Variants in C5orf24 observed in about 807,000 individuals in gnomAD.
C5orf24 encodes chromosome 5 open reading frame 24.
In C5orf24, 4 loss-of-function variants were observed where a neutral mutation model predicts 9.8. That is an observed-to-expected ratio of 0.41 (90% CI 0.20 to 0.93). The LOEUF is 0.93. Ranked by LOEUF, C5orf24 falls within the 40% of genes least tolerant of loss-of-function variation. The pLI, the probability that C5orf24 is intolerant of heterozygous loss-of-function variation, is 0.33. For synonymous variants in C5orf24, 73 were observed against 81.3 expected (o/e 0.90, Z 0.55); for missense variants, 170 against 236.9 (o/e 0.72, Z 1.85).
intron 1 of C5orf24, among the ~76,000 whole-genome samples, chr5:134,853,382 C>G (rs931422548): frequency 2.7e-5 from 4 of 145,974 alleles, no homozygotes; most frequent in Non-Finnish European, 6.1e-5. Context: ...AAAAAAAAAC[C>G]TGTCATTTCC....
rs763282657 is a variant in C5orf24, at chr5:134,855,461, T to A, written c.561T>A (p.Asn187Lys). The A allele has an allele frequency of 6.2e-7, 1 of 1,614,028 alleles. No homozygotes were observed. The highest frequency in any genetic ancestry group is 2.2e-5 in the East Asian group (1 of 44,878). Residue 187 changes from asparagine (N) to lysine (K), a missense_variant, in exon 2 of 2, where the codon AAT becomes AAA. By Grantham distance (94) the Asn-to-Lys change is moderately conservative (BLOSUM62 0). This residue lies in a region of C5orf24 where 56 missense variants were observed against 60.3 expected (regional missense o/e 0.93). Transcript: ENST00000394976. ...CTAGCAGTGAAGTCAAACCACCCAA[T>A]GAGTGAATGAGGCAGGAAAAGAGGG... ...EETSSEVKPP[N>K]E
chr5:134,851,770 A>G (rs1756166991), intron 1 of C5orf24, among the ~76,000 whole-genome samples: 1 of 152,200 alleles, frequency 6.6e-6, no homozygotes, highest in South Asian at 2.1e-4. Context: ...ATAGGCTTGT[A>G]CTGAGGATTA....
the C5orf24 span, among the ~76,000 whole-genome samples, chr5:134,836,576 C>A: frequency 2.0e-5 from 3 of 152,078 alleles, no homozygotes; most frequent in Non-Finnish European, 4.4e-5. Context: ...TGGAGTCTCA[C>A]TCTGTCATGC....
In C5orf24 at chr5:134,848,079, A is replaced by G. The variant is rs112724714; in HGVS notation, c.-4+1867A>G. On this transcript the variant is annotated intron_variant, in intron 1 of 1. Transcript: ENST00000394976. ...TGTAATCCCAGCACTTAGGGAGGCC[A>G]AGGCAGGCGGATCACGAGGTCAGGA... 4.7e-3 allele frequency among the ~76,000 whole-genome samples: 721 copies of G among 152,246 alleles called. 6 individuals are homozygous for G. Among genetic ancestry groups the G allele is most frequent in the African/African-American group, 0.016 (682 of 41,550 alleles).
chr5:134,857,219 T>TA lies in C5orf24; in HGVS notation c.*1756dup. 7.7e-7 allele frequency: 1 copy of TA among 1,305,026 alleles called. No individual in the cohort carries two copies. Among genetic ancestry groups the TA allele is most frequent in the African/African-American group, 1.5e-5 (1 of 66,594 alleles). 80.8% of individuals were successfully genotyped at this position (1,305,026 alleles called of 1,614,324 possible). ...TTGGGATTTTAAATGCCTTTGAGATTAAAATGTAGAATTGCAGGACCCAAA... is the reference window on the plus strand; with the variant it reads ...TTGGGATTTTAAATGCCTTTGAGATTAAAAATGTAGAATTGCAGGACCCAAA... On this transcript the variant is annotated 3_prime_UTR_variant, in exon 2 of 2. Transcript: ENST00000394976.
upstream of C5orf24, among the ~76,000 whole-genome samples, chr5:134,843,259 G>T (rs1755926070): frequency 6.6e-6 from 1 of 152,072 alleles, no homozygotes; most frequent in South Asian, 2.1e-4. Context: ...TTGCAGGCAT[G>T]ACCCACCGTG....
chr5:134,847,226 C>T (rs1439886474), intron 1 of C5orf24, among the ~76,000 whole-genome samples: 1 of 152,166 alleles, frequency 6.6e-6, no homozygotes, highest in Non-Finnish European at 1.5e-5. Context: ...CGAATTTAGT[C>T]ACAGTCCAAA....
rs1433779213 is a variant in C5orf24 at position 134,846,042 on chromosome 5, T to C, written c.-174T>C. On this transcript the variant is annotated 5_prime_UTR_variant, in exon 1 of 2. Coordinates refer to ENST00000394976, the MANE Select transcript of C5orf24 (RefSeq NM_001135586.1). Reference sequence around the variant, plus strand: ...CGTGCGCGGCGGCCGCGGCGGGTGCTGGGAGCCAGCGCCTGCCTCGCCGCC... The same window carrying C: ...CGTGCGCGGCGGCCGCGGCGGGTGCCGGGAGCCAGCGCCTGCCTCGCCGCC... The C allele has an allele frequency of 1.3e-5, 2 of 152,324 alleles. No homozygotes were observed. The highest frequency in any genetic ancestry group is 3.2e-3 in the Middle Eastern group (1 of 316). 9.4% of individuals were successfully genotyped at this position (152,324 alleles called of 1,614,324 possible).
At chr5:134,844,475 G>A (rs1325467225), upstream of C5orf24, among the ~76,000 whole-genome samples, 2 of 152,026 alleles carry the variant, frequency 1.3e-5, no homozygotes, top group Non-Finnish European at 2.9e-5. Flanking sequence ...CTCCGTAGCA[G>A]CTGGCACTAC....
chr5:134,841,282 ATTTCT>A (rs919926216), upstream of C5orf24, among the ~76,000 whole-genome samples: 3 of 151,370 alleles, frequency 2.0e-5, no homozygotes, highest in African/African-American at 7.3e-5. Context: ...AATCTCAGTG[ATTTCT>A]TTTTTTTTTT....
At chr5:134,848,233 C>G (rs1193830399) in intron 1 of C5orf24, among the ~76,000 whole-genome samples, 5 of 152,052 alleles carry the variant, frequency 3.3e-5, no homozygotes, top group Non-Finnish European at 7.4e-5. Flanking sequence ...ATGGCGAGAA[C>G]CTGGGAGGCG....
Position 134,855,961 on chromosome 5 carries a change from T to G in C5orf24, c.*494T>G, listed in dbSNP as rs1756299119. ...ATTTTCACAAGATGGGACACATATT[T>G]GTATGCTTTGGCATTTACATCCACT... On this transcript the variant is annotated 3_prime_UTR_variant, in exon 2 of 2. Coordinates refer to ENST00000394976, the MANE Select transcript of C5orf24 (RefSeq NM_001135586.1). 5 of 1,003,520 alleles carry G rather than the reference T, an allele frequency of 5.0e-6. No homozygotes were observed. The highest frequency in any genetic ancestry group is 6.0e-6 in the Non-Finnish European group (5 of 832,468). The allele number at this position is 1,003,520 out of a possible 1,614,324, so 62.2% of individuals were successfully genotyped here. A position where few individuals can be genotyped will look rare whatever the true frequency, so the allele number is the denominator to read the frequency against.
intron 1 of C5orf24, among the ~76,000 whole-genome samples, chr5:134,854,157 A>G (rs946120760): frequency 4.6e-5 from 7 of 152,228 alleles, no homozygotes; most frequent in African/African-American, 1.7e-4. Flanking sequence ...AAGCATTTGT[A>G]TAATGTTCAC....
At chr5:134,836,582 C>T in the C5orf24 span, among the ~76,000 whole-genome samples, 4 of 152,164 alleles carry the variant, frequency 2.6e-5, no homozygotes, top group African/African-American at 7.2e-5. Flanking sequence ...CTCACTCTGT[C>T]ATGCAGGCTG....
chr5:134,853,360 TAAAAAAAAAAAA>T (rs397884485), intron 1 of C5orf24, among the ~76,000 whole-genome samples: 2 of 77,000 alleles, frequency 2.6e-5, no homozygotes, highest in Non-Finnish European at 5.2e-5. Flanking sequence ...AAACTCCACC[TAAAAAAAAAAAA>T]AAAAAAAACC....
In C5orf24 at chr5:134,858,515, T is replaced by C. The variant is rs1756369721; in HGVS notation, c.*3048T>C. 6.0e-6 allele frequency: 1 copy of C among 167,058 alleles called. No individual in the cohort carries two copies. Among genetic ancestry groups the C allele is most frequent in the Non-Finnish European group, 1.5e-5 (1 of 68,114 alleles). 10.3% of individuals were successfully genotyped at this position (167,058 alleles called of 1,614,324 possible). A position where few individuals can be genotyped will look rare whatever the true frequency, so the allele number is the denominator to read the frequency against. ...CACTGTATGATTGTTTCTTGAAAGG[T>C]AAATTGCTAATTTTATACAGTGTAA... is the stretch of plus-strand genomic sequence containing the variant. On this transcript the variant is annotated 3_prime_UTR_variant, in exon 2 of 2. Transcript: ENST00000394976.
chr5:134,847,379 T>A (rs992067639), intron 1 of C5orf24, among the ~76,000 whole-genome samples: 1 of 152,176 alleles, frequency 6.6e-6, no homozygotes, highest in African/African-American at 2.4e-5. Flanking sequence ...CACTGCAACC[T>A]CTGCCTCCCG....
chr5:134,858,001 C>T lies in C5orf24; in HGVS notation c.*2534C>T, dbSNP rs1756356805. The T allele has an allele frequency of 6.0e-6, 1 of 166,958 alleles. No homozygotes were observed. The highest frequency in any genetic ancestry group is 6.6e-5 in the Admixed American group (1 of 15,262). The allele number at this position is 166,958 out of a possible 1,614,324, so 10.3% of individuals were successfully genotyped here. A position where few individuals can be genotyped will look rare whatever the true frequency, so the allele number is the denominator to read the frequency against. On this transcript the variant is annotated 3_prime_UTR_variant, in exon 2 of 2. Transcript: ENST00000394976. Reference sequence around the variant, plus strand: ...TACTTACTGGTGCTGTGCTGTGTGTCAGAAGATAAAACAGGTGTATTATTG... The same window carrying T: ...TACTTACTGGTGCTGTGCTGTGTGTTAGAAGATAAAACAGGTGTATTATTG...
intron 1 of C5orf24, among the ~76,000 whole-genome samples, chr5:134,854,209 G>T (rs923746250): frequency 1.2e-4 from 18 of 152,036 alleles, no homozygotes; most frequent in African/African-American, 4.4e-4. Flanking sequence ...TTTTGTATTG[G>T]TACTGCCTTC....
Sources: gnomAD v4.1 joint callset for allele counts (sites outside exome capture counted in the v4.1 genomes callset) on GRCh38, gnomAD v4.1.1 for gene constraint, gnomAD v4.1.1 regional missense constraint, MANE v1.5 for transcripts, NCBI Gene and HGNC (gene_info 2026-07-23, HGNC 2026-07-21) for gene names.